Variants in ACACA observed in about 807,000 individuals in gnomAD.
ACACA encodes acetyl-CoA carboxylase 1.
In ACACA, 103 loss-of-function variants were observed where a neutral mutation model predicts 296.1. That is an observed-to-expected ratio of 0.35 (90% CI 0.30 to 0.41). The LOEUF is 0.41. ACACA is among the 10% of genes least tolerant of loss of function. ACACA has a pLI of 1.00. For synonymous variants in ACACA, 953 were observed against 1,038.6 expected (o/e 0.92, Z 1.58); for missense variants, 1,554 against 2,989.7 (o/e 0.52, Z 11.20).
intron 27 of ACACA, among the ~76,000 whole-genome samples, chr17:37,224,731 A>C (rs1332839015): frequency 6.6e-6 from 1 of 151,986 alleles, no homozygotes. Context: ...GTAAAGTACA[A>C]AGATAAAGAC....
In ACACA at chr17:37,127,927, A is replaced by T. The variant is rs113044694; in HGVS notation, c.5944+1438T>A. Among the ~76,000 whole-genome samples, 1,019 of 150,466 alleles carry T rather than the reference A, an allele frequency of 6.8e-3. 3 individuals carry two copies. The highest frequency in any genetic ancestry group is 0.022 in the African/African-American group (892 of 41,094). ...TTCTTATCATAATCATGGCACAAAA[A>T]AAAGGGGAAAGAAGGGGTAAGTGGA... On this transcript the variant is annotated intron_variant, in intron 47 of 55. Coordinates refer to ENST00000616317, the MANE Select transcript of ACACA (RefSeq NM_198834.3).
At chr17:37,339,678 A>G (rs2048295785) in intron 2 of ACACA, 126 bp downstream of exon 2, 1 of 666,016 alleles carries the variant, frequency 1.5e-6, no homozygotes. Flanking sequence ...CAGGTTATCC[A>G]CCCTAAATCT....
chr17:37,339,873 T>TA lies in ACACA; in HGVS notation c.39-24dup. 3.2e-6 allele frequency: 4 copies of TA among 1,235,186 alleles called. No individual in the cohort carries two copies. In the East Asian group the frequency reaches 9.3e-5, roughly 29 times the overall value. The allele number at this position is 1,235,186 out of a possible 1,614,324, so 76.5% of individuals were successfully genotyped here. A position where few individuals can be genotyped will look rare whatever the true frequency, so the allele number is the denominator to read the frequency against. On this transcript the variant is annotated intron_variant, in intron 1 of 55. Coordinates refer to ENST00000616317, the MANE Select transcript of ACACA (RefSeq NM_198834.3). ...GACCTAGAGAGAAAGAGAAAGATTT[T>TA]AAGGTTTTTTTTTTTAAGAAACAAA...
At position 37,100,626 on chromosome 17, in the gene ACACA, C is replaced by T. The variant is rs1431875991; in HGVS notation, c.6566-2642G>A. ...CTCATTAGATCAGATCTCAGACCGCCCCTCAAAAAAAAAAAAAAAAACTAA... is the reference window on the plus strand; with the variant it reads ...CTCATTAGATCAGATCTCAGACCGCTCCTCAAAAAAAAAAAAAAAAACTAA... On this transcript the variant is annotated intron_variant, in intron 52 of 55. Coordinates refer to ENST00000616317, the MANE Select transcript of ACACA (RefSeq NM_198834.3). 2.1e-5 allele frequency among the ~76,000 whole-genome samples: 3 copies of T among 142,130 alleles called. No individual in the cohort carries two copies. The Admixed American group carries it at 2.2e-4, about 10-fold the overall frequency. 93.2% of individuals were successfully genotyped at this position (142,130 alleles called of 152,430 possible). A position where few individuals can be genotyped will look rare whatever the true frequency, so the allele number is the denominator to read the frequency against.
chr17:37,194,948 T>C (rs981124068), intron 35 of ACACA, among the ~76,000 whole-genome samples: 2 of 143,934 alleles, frequency 1.4e-5, no homozygotes, highest in African/African-American at 2.8e-5. Flanking sequence ...CCCCACCCGT[T>C]ATGAGAGTGA....
At chr17:37,173,654 T>C (rs1259157045) in intron 41 of ACACA, among the ~76,000 whole-genome samples, 2 of 151,954 alleles carry the variant, frequency 1.3e-5, no homozygotes, top group Admixed American at 6.6e-5. Flanking sequence ...TTGGGAGACA[T>C]AGGATATCAG....
At chr17:37,192,506 T>C (rs894497901) in intron 36 of ACACA, among the ~76,000 whole-genome samples, 1 of 152,204 alleles carries the variant, frequency 6.6e-6, no homozygotes, top group African/African-American at 2.4e-5. Flanking sequence ...ATAGGTACTT[T>C]ATAGGATGAT....
At chr17:37,127,942 G>C (rs928400313) in intron 47 of ACACA, among the ~76,000 whole-genome samples, 9 of 144,868 alleles carry the variant, frequency 6.2e-5, no homozygotes, top group Non-Finnish European at 1.2e-4. Flanking sequence ...GGGAAAGAAG[G>C]GGTAAGTGGA....
Position 37,396,879 on chromosome 17 carries a change from T to C in ACACA, c.38+9383A>G, listed in dbSNP as rs186863473. 3.9e-5 allele frequency among the ~76,000 whole-genome samples: 6 copies of C among 152,246 alleles called. No individual in the cohort carries two copies. In the East Asian group the frequency reaches 1.2e-3, roughly 29 times the overall value. ...GCCTTGAATTACTTATCTTCCCTAT[T>C]ATTAGTAATAGTAGTAGTAGTATTA... is the stretch of plus-strand genomic sequence containing the variant. On this transcript the variant is annotated intron_variant, in intron 1 of 55. Coordinates refer to ENST00000616317, the MANE Select transcript of ACACA (RefSeq NM_198834.3).
intron 25 of ACACA, among the ~76,000 whole-genome samples, chr17:37,233,428 C>T (rs867243248): frequency 6.6e-6 from 1 of 152,196 alleles, no homozygotes; most frequent in Non-Finnish European, 1.5e-5. Flanking sequence ...AGAAACCCAG[C>T]GACAGTCTTG....
chr17:37,097,718 A>C lies in ACACA; in HGVS notation c.6720+112T>G. ...TATTGAAAATGTTTTGATCTGCAGA[A>C]GTTGTTTTAATTTGGCCCTCATAGC... On this transcript the variant is annotated intron_variant, in intron 53 of 55. Coordinates refer to ENST00000616317, the MANE Select transcript of ACACA (RefSeq NM_198834.3). This position sits in a 1 kb window ranked among gnomAD's most constrained non-coding sequence, Gnocchi z 4.8. 1 of 1,263,016 alleles carries C rather than the reference A, an allele frequency of 7.9e-7. No individual in the cohort carries two copies. The highest frequency in any genetic ancestry group is 1.1e-6 in the Non-Finnish European group (1 of 890,992). The allele number at this position is 1,263,016 out of a possible 1,614,324, so 78.2% of individuals were successfully genotyped here.
At chr17:37,257,472 G>A (rs2081276424) in intron 14 of ACACA, among the ~76,000 whole-genome samples, 1 of 152,016 alleles carries the variant, frequency 6.6e-6, no homozygotes. Flanking sequence ...TATTTGAAAG[G>A]AAAAATACTT....
intron 14 of ACACA, among the ~76,000 whole-genome samples, chr17:37,253,481 A>G (rs916020706): frequency 2.6e-5 from 4 of 152,184 alleles, no homozygotes; most frequent in African/African-American, 9.7e-5. Flanking sequence ...TTCCAAAAAC[A>G]AATAAGGGTG....
At chr17:37,106,588 C>G (rs1281321555) in intron 52 of ACACA, among the ~76,000 whole-genome samples, 1 of 152,154 alleles carries the variant, frequency 6.6e-6, no homozygotes, top group African/African-American at 2.4e-5. Context: ...ACTGCTCCCC[C>G]ATCAGTCCCG....
intron 3 of ACACA, among the ~76,000 whole-genome samples, chr17:37,289,914 C>A (rs1177046999): frequency 6.6e-6 from 1 of 152,218 alleles, no homozygotes; most frequent in African/African-American, 2.4e-5. Context: ...CTTAACACAT[C>A]TGTTTTCCCT....
intron 29 of ACACA, among the ~76,000 whole-genome samples, chr17:37,215,695 T>C (rs1290439285): frequency 2.0e-5 from 3 of 152,148 alleles, no homozygotes; most frequent in Non-Finnish European, 4.4e-5. Context: ...TTCAGGATGA[T>C]GCTTCAGTGT....
chr17:37,250,029 C>A (rs747949574), intron 16 of ACACA, among the ~76,000 whole-genome samples: 2 of 152,208 alleles, frequency 1.3e-5, no homozygotes, highest in African/African-American at 2.4e-5. Context: ...TTTGCTCTTC[C>A]TTTGCCTTCC....
chr17:37,235,406 G>A (rs1004222618), intron 24 of ACACA, among the ~76,000 whole-genome samples: 1 of 151,974 alleles, frequency 6.6e-6, no homozygotes, highest in African/African-American at 2.4e-5. Context: ...TTAAAAATTG[G>A]GGAGGTGGGT....
intron 3 of ACACA, among the ~76,000 whole-genome samples, chr17:37,296,301 CTTTTTTTTT>C (rs369893845): frequency 2.0e-5 from 2 of 100,374 alleles, no homozygotes; most frequent in Non-Finnish European, 3.8e-5. Flanking sequence ...TCTTTGGAGC[CTTTTTTTTT>C]TTTTTTTTTT....
Sources: gnomAD v4.1 joint callset for allele counts (sites outside exome capture counted in the v4.1 genomes callset) on GRCh38, gnomAD v4.1.1 for gene constraint, Gnocchi (gnomAD v3.1) non-coding constraint, MANE v1.5 for transcripts, NCBI Gene and HGNC (gene_info 2026-07-23, HGNC 2026-07-21) for gene names.